Variants in DOK7 observed in about 807,000 individuals in gnomAD.
DOK7 encodes protein Dok-7.
Under a neutral mutation model 30.7 loss-of-function variants are expected in DOK7, and 32 were observed. The ratio of observed to expected loss-of-function variants is 1.04; its 90% CI spans 0.79 to 1.40. The LOEUF is 1.40. DOK7 is among the 40% of genes most tolerant of loss of function. The probability of loss-of-function intolerance (pLI) is 0.00; values close to 1 mark genes in which losing one functional copy is unlikely to be tolerated. For missense variants in DOK7, 1,007 were observed against 699.2 expected (o/e 1.44, Z -4.97); for synonymous variants, 447 against 324.1 (o/e 1.38, Z -4.07).
At position 3,485,574 on chromosome 4, in the gene DOK7, G is replaced by A; in HGVS notation, c.568G>A (p.Glu190Lys). 6.2e-7 allele frequency: 1 copy of A among 1,607,766 alleles called. No homozygotes were observed. Among genetic ancestry groups the A allele is most frequent in the Non-Finnish European group, 8.5e-7 (1 of 1,176,838 alleles). The change falls in exon 5 of 7, where the codon GAG (glutamate) becomes AAG (lysine). Residue 190 changes from glutamate to lysine, a missense_variant. Transcript: ENST00000340083. ...CTTCTTCCTGTCCTCGGCCGAGGGG[G>A]AGCAGATCAGCTTCCTGTTCGACTG... ...GVFFLSSAEG[E>K]QISFLFDCIV...
intron 4 of DOK7, among the ~76,000 whole-genome samples, chr4:3,485,064 C>T (rs964167398): frequency 2.6e-5 from 4 of 152,126 alleles, no homozygotes; most frequent in African/African-American, 7.2e-5. Flanking sequence ...GGGGCAGGGT[C>T]GCTGGGACCT....
chr4:3,492,256 G>A (rs1311167126), intron 6 of DOK7, among the ~76,000 whole-genome samples: 2 of 152,102 alleles, frequency 1.3e-5, no homozygotes, highest in Admixed American at 6.5e-5. Context: ...CATGGTGAGG[G>A]CAGGGGGCGA....
At chr4:3,468,388 C>T (rs976236971) in intron 2 of DOK7, among the ~76,000 whole-genome samples, 47 of 149,100 alleles carry the variant, frequency 3.2e-4, no homozygotes, top group Admixed American at 1.3e-4. Flanking sequence ...AAGTGTGTGC[C>T]GGTGTCTGCA....
exon 8 of DOK7, chr4:3,500,897 C>A (rs924483629): frequency 1.4e-6 from 2 of 1,461,432 alleles, no homozygotes; most frequent in Non-Finnish European, 1.8e-6. Flanking sequence ...AGGCCAGCCC[C>A]TTCTGTTGGG....
chr4:3,488,987 G>T (rs898461343), intron 5 of DOK7, among the ~76,000 whole-genome samples: 5 of 152,210 alleles, frequency 3.3e-5, no homozygotes, highest in African/African-American at 1.2e-4. Context: ...GCTCGCAGCA[G>T]CGGTGCTGAG....
At chr4:3,483,074 TG>T (rs1227248396) in intron 4 of DOK7, among the ~76,000 whole-genome samples, 1 of 115,974 alleles carries the variant, frequency 8.6e-6, no homozygotes, top group Non-Finnish European at 1.8e-5. Context: ...GTGTGGAGGG[TG>T]GGGGTGGCAG....
intron 6 of DOK7, among the ~76,000 whole-genome samples, chr4:3,491,540 C>CACTTATGG (rs1728453545): frequency 6.0e-5 from 1 of 16,774 alleles, no homozygotes; most frequent in Admixed American, 1.0e-3. Context: ...TTTCTTCCTT[C>CACTTATGG]TCCCACCTAT....
At chr4:3,490,409 C>CTTCCTT (rs1728225999) in intron 6 of DOK7, among the ~76,000 whole-genome samples, 2 of 75,432 alleles carry the variant, frequency 2.7e-5, no homozygotes, top group Non-Finnish European at 5.5e-5. Context: ...CTTCTTTCAC[C>CTTCCTT]CCCCCCACCG....
chr4:3,463,974 G>A (rs1335708927), intron 2 of DOK7, among the ~76,000 whole-genome samples: 1 of 152,212 alleles, frequency 6.6e-6, no homozygotes, highest in Non-Finnish European at 1.5e-5. Context: ...CCAGGCAGAC[G>A]AGAGGCTGGG....
downstream of DOK7, among the ~76,000 whole-genome samples, chr4:3,499,466 C>T (rs1339228241): frequency 2.6e-5 from 4 of 152,170 alleles, no homozygotes; most frequent in Admixed American, 6.5e-5. Flanking sequence ...TGGGTGCCCA[C>T]GGTGCGGAGC....
At chr4:3,478,189 G>A (rs1363260548) in intron 4 of DOK7, among the ~76,000 whole-genome samples, 4 of 152,212 alleles carry the variant, frequency 2.6e-5, no homozygotes, top group Non-Finnish European at 4.4e-5. Flanking sequence ...CCTCTAAGCC[G>A]GGGCACAGCA....
intron 6 of DOK7, 86 bp downstream of exon 6, chr4:3,489,882 G>A (rs1383878919): frequency 5.9e-6 from 9 of 1,515,774 alleles, no homozygotes; most frequent in Non-Finnish European, 7.1e-6. Flanking sequence ...ATGTGTGGGG[G>A]CTGCAGGCTC....
At position 3,493,551 on chromosome 4, in the gene DOK7, G is replaced by C. The variant is rs901110999; in HGVS notation, c.*50G>C. ...TGCAAAGGGGCTGAATTTGCCCCCAGATGGCAGAGGAAGTGGCGCCAGCCT... is the reference window on the plus strand; with the variant it reads ...TGCAAAGGGGCTGAATTTGCCCCCACATGGCAGAGGAAGTGGCGCCAGCCT... On this transcript the variant is annotated 3_prime_UTR_variant, in exon 7 of 7. Coordinates refer to ENST00000340083, the MANE Select transcript of DOK7 (RefSeq NM_173660.5). The C allele has an allele frequency of 1.2e-5, 19 of 1,591,672 alleles. No homozygotes were observed. The highest frequency in any genetic ancestry group is 1.5e-5 in the Non-Finnish European group (18 of 1,169,264).
At chr4:3,488,566 C>T (rs747470065) in intron 5 of DOK7, among the ~76,000 whole-genome samples, 7 of 152,220 alleles carry the variant, frequency 4.6e-5, no homozygotes, top group Non-Finnish European at 7.3e-5. Context: ...ATCTAGGTGT[C>T]CCAGGCTGGG....
intron 4 of DOK7, 56 bp from the exon 5 acceptor site, chr4:3,485,483 A>G (rs1727712170): frequency 2.1e-6 from 3 of 1,459,520 alleles, no homozygotes; most frequent in Non-Finnish European, 2.7e-6. Context: ...CCTCCTCTTC[A>G]GGGTCCCCAG....
At chr4:3,475,985 T>C (rs1390564217) in intron 3 of DOK7, among the ~76,000 whole-genome samples, 3 of 151,980 alleles carry the variant, frequency 2.0e-5, no homozygotes, top group Non-Finnish European at 4.4e-5. Flanking sequence ...AGGAGTGCCA[T>C]TTGCTCATCC....
chr4:3,500,434 CA>C, intron 7 of DOK7: 1 of 1,533,444 alleles, frequency 6.5e-7, no homozygotes, highest in Non-Finnish European at 8.7e-7. Context: ...GAGGCACTGA[CA>C]ATTGGGGGCT....
intron 4 of DOK7, among the ~76,000 whole-genome samples, chr4:3,482,580 C>A (rs1353005168): frequency 6.6e-6 from 1 of 152,264 alleles, no homozygotes; most frequent in Non-Finnish European, 1.5e-5. Flanking sequence ...GTGGACCAGC[C>A]TCTGGAGAAG....
In DOK7 at chr4:3,493,166, G is replaced by T; in HGVS notation, c.1180G>T (p.Glu394Ter). The T allele has an allele frequency of 6.2e-7, 1 of 1,607,616 alleles. No individual in the cohort carries two copies. Among genetic ancestry groups the T allele is most frequent in the Non-Finnish European group, 8.5e-7 (1 of 1,178,194 alleles). The change falls in exon 7 of 7, where the codon GAG (glutamate) becomes TAG (stop). Residue 394 changes from glutamate (E) to a stop codon, truncating the protein, a stop_gained. Transcript: ENST00000340083. LOFTEE classifies it low-confidence loss of function (END_TRUNC). ...SLCTCLPGTV[E>*]YQVPTSLRAH... ...GTGCACCTGCCTGCCCGGGACAGTC[G>T]AGTACCAGGTGCCCACCTCCCTGCG...
Sources: gnomAD v4.1 joint callset for allele counts (sites outside exome capture counted in the v4.1 genomes callset) on GRCh38, gnomAD v4.1.1 for gene constraint, MANE v1.5 for transcripts, NCBI Gene and HGNC (gene_info 2026-07-23, HGNC 2026-07-21) for gene names.